The following C10orf67 variants were observed in gnomAD, a reference collection of about 807,000 sequenced individuals.
The protein encoded by C10orf67 is chromosome 10 open reading frame 67.
A neutral mutation model predicts 35.6 loss-of-function variants in C10orf67; 60 were observed. That is an observed-to-expected ratio of 1.68 (90% CI 1.37 to 2.09). The LOEUF is 2.09. Among genes scored for constraint, C10orf67 ranks in the 30% most tolerant of loss-of-function variants. C10orf67 has a pLI of 0.00. For synonymous variants in C10orf67, 167 were observed against 115.8 expected (o/e 1.44, Z -2.84); for missense variants, 474 against 330.2 (o/e 1.44, Z -3.38).
chr10:23,225,807 C>T (rs181574595), intron 13 of C10orf67, among the ~76,000 whole-genome samples: 9 of 152,248 alleles, frequency 5.9e-5, no homozygotes, highest in East Asian at 5.8e-4. Context: ...ATCAATTCAA[C>T]GAGAAGAGCT....
At chr10:23,289,777 G>A in intron 7 of C10orf67, 123 bp downstream of exon 7, 1 of 601,660 alleles carries the variant, frequency 1.7e-6, no homozygotes, top group Non-Finnish European at 3.0e-6. Context: ...AGTGGGGAGA[G>A]ATTAAATATG....
chr10:23,237,372 T>C (rs1229917328), intron 13 of C10orf67, among the ~76,000 whole-genome samples: 1 of 152,104 alleles, frequency 6.6e-6, no homozygotes. Context: ...TGTGGTTTCT[T>C]ATGCAGTTAA....
chr10:23,243,556 G>A (rs1010522977), intron 12 of C10orf67, among the ~76,000 whole-genome samples: 22 of 151,888 alleles, frequency 1.4e-4, no homozygotes, highest in African/African-American at 3.9e-4. Context: ...GCATGGTGGC[G>A]CATGCCTGTA....
At chr10:23,265,238 G>T (rs1842856986) in intron 10 of C10orf67, among the ~76,000 whole-genome samples, 1 of 152,232 alleles carries the variant, frequency 6.6e-6, no homozygotes, top group Non-Finnish European at 1.5e-5. Flanking sequence ...CCGCTCTGTG[G>T]ATATGAGGAG....
In C10orf67 at chr10:23,243,175, C is replaced by A. The variant is rs183423345; in HGVS notation, c.1347-3359G>T. Among the ~76,000 whole-genome samples the A allele has an allele frequency of 2.6e-5, 4 of 152,112 alleles. No homozygotes were observed. The East Asian group carries it at 7.7e-4, about 29-fold the overall frequency. ...GAGATCAGTATCTAAATTGTGAGTA[C>A]CCAACAACTAAGATGTAAACTATGT... On this transcript the variant is annotated intron_variant, in intron 12 of 15. Coordinates refer to ENST00000636213, the MANE Select transcript of C10orf67 (RefSeq NM_001371909.1).
rs1416847701 is a variant in C10orf67 at position 23,223,779 on chromosome 10, T to A, written c.1474A>T (p.Thr492Ser). The A allele has an allele frequency of 5.6e-6, 4 of 715,456 alleles. No homozygotes were observed. The highest frequency in any genetic ancestry group is 1.0e-5 in the Non-Finnish European group (4 of 384,930). 44.3% of individuals were successfully genotyped at this position (715,456 alleles called of 1,614,324 possible). The change falls in exon 14 of 16, where the codon ACA becomes TCA. Residue 492 changes from threonine (T) to serine (S), a missense_variant. Transcript: ENST00000636213. ...PLLVQSRTTM[T>S]AISSSSHCTS... ...CAATGACTTGAAGAGGATATAGCTG[T>A]CATGGTCGTTCTAGACTGCACTAAT...
intron 4 of C10orf67, among the ~76,000 whole-genome samples, chr10:23,305,509 C>T (rs982696334): frequency 3.3e-5 from 5 of 151,932 alleles, no homozygotes; most frequent in African/African-American, 1.2e-4. Context: ...AAAAAATGGG[C>T]CAAGGCCTAA....
At chr10:23,221,662 T>C (rs1163151623) in intron 15 of C10orf67, among the ~76,000 whole-genome samples, 1 of 152,184 alleles carries the variant, frequency 6.6e-6, no homozygotes, top group Non-Finnish European at 1.5e-5. Context: ...TCCCTTTAAA[T>C]GTCCAGCCTG....
chr10:23,269,410 A>T (rs1842962888), intron 8 of C10orf67, among the ~76,000 whole-genome samples: 1 of 152,216 alleles, frequency 6.6e-6, no homozygotes, highest in South Asian at 2.1e-4. Context: ...GCCAAATGGT[A>T]ATAGATAATT....
At chr10:23,341,128 A>G (rs1371286183) in intron 1 of C10orf67, among the ~76,000 whole-genome samples, 2 of 152,168 alleles carry the variant, frequency 1.3e-5, no homozygotes, top group Non-Finnish European at 2.9e-5. Context: ...TTCTCTAACT[A>G]CACTCACTTC....
intron 13 of C10orf67, among the ~76,000 whole-genome samples, chr10:23,236,292 G>A (rs1261126667): frequency 7.0e-6 from 1 of 143,802 alleles, no homozygotes; most frequent in African/African-American, 2.8e-5. Flanking sequence ...AATTAGCCAG[G>A]TGTGGTGGCG....
In C10orf67 at chr10:23,204,272, G is replaced by T; in HGVS notation, c.1571-17C>A. 1.6e-6 allele frequency: 1 copy of T among 618,676 alleles called. No homozygotes were observed. The highest frequency in any genetic ancestry group is 3.0e-6 in the Non-Finnish European group (1 of 335,560). 38.3% of individuals were successfully genotyped at this position (618,676 alleles called of 1,614,324 possible). On this transcript the variant is annotated splice_polypyrimidine_tract_variant and intron_variant, in intron 15 of 15. Transcript: ENST00000636213. ...ACAACTTCCCTAAACGTGAAGAAAGGTGGACAGACATAAACTTTGTTTTAC... is the reference window on the plus strand; with the variant it reads ...ACAACTTCCCTAAACGTGAAGAAAGTTGGACAGACATAAACTTTGTTTTAC...
intron 13 of C10orf67, among the ~76,000 whole-genome samples, chr10:23,225,931 A>G (rs1006869547): frequency 6.6e-6 from 1 of 152,122 alleles, no homozygotes. Context: ...GGAGACTTTG[A>G]CACCCCACTG....
Position 23,286,862 on chromosome 10 carries a change from T to C in C10orf67, c.909+3038A>G, listed in dbSNP as rs540905182. 6.2e-4 allele frequency among the ~76,000 whole-genome samples: 94 copies of C among 152,314 alleles called. 1 individual carries two copies. The highest frequency in any genetic ancestry group is 1.2e-3 in the Non-Finnish European group (83 of 68,014). On this transcript the variant is annotated intron_variant, in intron 7 of 15. Coordinates refer to ENST00000636213, the MANE Select transcript of C10orf67 (RefSeq NM_001371909.1). ...TGAAAATCTGTGAGGGATTCAGTTA[T>C]CAGGGAAACATCTCCCACCTCTGAC...
Position 23,202,776 on chromosome 10 carries a change from A to C in C10orf67, c.*1397T>G, listed in dbSNP as rs1841058571. 6.6e-6 allele frequency: 1 copy of C among 152,220 alleles called. No homozygotes were observed. The highest frequency in any genetic ancestry group is 1.5e-5 in the Non-Finnish European group (1 of 68,048). 9.4% of individuals were successfully genotyped at this position (152,220 alleles called of 1,614,324 possible). A position where few individuals can be genotyped will look rare whatever the true frequency, so the allele number is the denominator to read the frequency against. On this transcript the variant is annotated 3_prime_UTR_variant, in exon 16 of 16. Transcript: ENST00000636213. Reference sequence around the variant, plus strand: ...TCTTGAAGGTTCAAGTTTCTATTAAAGTTCTGAAATGAAGCAGTTTGATAT... The same window carrying C: ...TCTTGAAGGTTCAAGTTTCTATTAACGTTCTGAAATGAAGCAGTTTGATAT...
chr10:23,211,642 C>T lies in C10orf67; in HGVS notation c.1571-7387G>A, dbSNP rs537749025. On this transcript the variant is annotated intron_variant, in intron 15 of 15. Coordinates refer to ENST00000636213, the MANE Select transcript of C10orf67 (RefSeq NM_001371909.1). ...AAAAATGACTGGTACTTGATGTATG[C>T]TTTGGATATGTGGGATAACAATAAC... 2.2e-4 allele frequency among the ~76,000 whole-genome samples: 33 copies of T among 152,174 alleles called. No individual in the cohort carries two copies. In the East Asian group the frequency reaches 6.2e-3, roughly 28 times the overall value.
chr10:23,343,573 C>A (rs1846000249), intron 1 of C10orf67, among the ~76,000 whole-genome samples: 1 of 152,208 alleles, frequency 6.6e-6, no homozygotes, highest in Non-Finnish European at 1.5e-5. Flanking sequence ...ATCTATGAAG[C>A]AGGCACTACT....
At chr10:23,306,791 A>G (rs1041841495) in intron 4 of C10orf67, among the ~76,000 whole-genome samples, 3 of 152,218 alleles carry the variant, frequency 2.0e-5, no homozygotes, top group Non-Finnish European at 4.4e-5. Context: ...AATTAATTTG[A>G]TTGTGGTAAT....
intron 2 of C10orf67, among the ~76,000 whole-genome samples, chr10:23,332,005 G>A (rs977096817): frequency 6.6e-5 from 10 of 152,190 alleles, no homozygotes; most frequent in African/African-American, 2.2e-4. Context: ...TCTCTATGCA[G>A]GGCAATTTGG....
Sources: gnomAD v4.1 joint callset for allele counts (sites outside exome capture counted in the v4.1 genomes callset) on GRCh38, gnomAD v4.1.1 for gene constraint, MANE v1.5 for transcripts, NCBI Gene and HGNC (gene_info 2026-07-23, HGNC 2026-07-21) for gene names.